The following ANAPC5 variants were observed in gnomAD, a reference collection of about 807,000 sequenced individuals.
The protein encoded by ANAPC5 is anaphase-promoting complex subunit 5.
ANAPC5 carries 60 observed loss-of-function variants against 91.3 expected under a neutral mutation model. That is an observed-to-expected ratio of 0.66 (90% CI 0.53 to 0.81). The LOEUF is 0.81. Ranked by LOEUF, ANAPC5 falls within the 40% of genes least tolerant of loss-of-function variation. ANAPC5 has a pLI of 0.00. For missense variants in ANAPC5, 690 were observed against 931.5 expected (o/e 0.74, Z 3.37); for synonymous variants, 340 against 364.1 (o/e 0.93, Z 0.75).
At chr12:121,351,624 A>AT (rs1555275374) in intron 1 of ANAPC5, among the ~76,000 whole-genome samples, 1 of 151,598 alleles carries the variant, frequency 6.6e-6, no homozygotes, top group African/African-American at 2.4e-5. Context: ...CGTCCAGCTA[A>AT]TTTTTTGTGT....
chr12:121,326,231 A>C (rs1371475709), intron 11 of ANAPC5: 1 of 152,216 alleles, frequency 6.6e-6, no homozygotes, highest in Non-Finnish European at 1.5e-5. Flanking sequence ...AGTGGAAACC[A>C]CCCAAAAATC....
intron 15 of ANAPC5, among the ~76,000 whole-genome samples, chr12:121,317,119 C>G (rs1161956657): frequency 6.6e-6 from 1 of 152,084 alleles, no homozygotes; most frequent in Non-Finnish European, 1.5e-5. Context: ...TTAATGGGTA[C>G]AGTTTCCTTT....
chr12:121,330,870 T>G (rs879961724), intron 8 of ANAPC5, 198 bp from the exon 9 acceptor site: 5 of 507,904 alleles, frequency 9.8e-6, no homozygotes, highest in Non-Finnish European at 1.7e-5. Context: ...AATAAATGAG[T>G]CATTGTTCTG....
intron 1 of ANAPC5, chr12:121,350,965 C>T: frequency 5.6e-6 from 2 of 356,160 alleles, no homozygotes; most frequent in Admixed American, 7.4e-5. Context: ...TGAGCATTTA[C>T]TACATGCTAG....
chr12:121,317,826 C>G (rs1487003656), intron 15 of ANAPC5: 1 of 152,820 alleles, frequency 6.5e-6, no homozygotes, highest in Non-Finnish European at 1.5e-5. Context: ...CTATAAGGTA[C>G]TAGGGAATAT....
intron 15 of ANAPC5, among the ~76,000 whole-genome samples, chr12:121,312,526 C>T (rs1317304729): frequency 6.6e-6 from 1 of 151,288 alleles, no homozygotes; most frequent in African/African-American, 2.4e-5. Context: ...CACGATGAAA[C>T]CCCAGCTCTA....
In ANAPC5 at chr12:121,352,354, TA is replaced by T; in HGVS notation, c.-15del. ...GACGCTGGCCATGGCGGCCCGAGAC[TA>T]AGTCTCGGGCCCGCGGCGCGCTGCC... On this transcript the variant is annotated 5_prime_UTR_variant, in exon 1 of 17. Coordinates refer to ENST00000261819, the MANE Select transcript of ANAPC5 (RefSeq NM_016237.5). 6.3e-7 allele frequency: 1 copy of T among 1,586,014 alleles called. No individual in the cohort carries two copies. The highest frequency in any genetic ancestry group is 8.6e-7 in the Non-Finnish European group (1 of 1,162,204).
At chr12:121,323,675 T>A (rs756405312) in intron 11 of ANAPC5, among the ~76,000 whole-genome samples, 5 of 152,184 alleles carry the variant, frequency 3.3e-5, no homozygotes, top group Non-Finnish European at 7.3e-5. Context: ...TTTCAATTTG[T>A]CTCAATCCTT....
intron 1 of ANAPC5, among the ~76,000 whole-genome samples, chr12:121,350,308 G>A (rs1555275153): frequency 6.6e-6 from 1 of 152,170 alleles, no homozygotes; most frequent in East Asian, 1.9e-4. Flanking sequence ...TAGAGGCCCA[G>A]GGACCCAGAT....
At chr12:121,313,999 T>C (rs990584688) in intron 15 of ANAPC5, among the ~76,000 whole-genome samples, 2 of 152,182 alleles carry the variant, frequency 1.3e-5, no homozygotes, top group Non-Finnish European at 1.5e-5. Context: ...AACAAAATAC[T>C]TGCAAACCAA....
chr12:121,334,727 C>T (rs11836127), intron 7 of ANAPC5: 7,457 of 152,296 alleles, frequency 0.049, 195 homozygotes, highest in South Asian at 0.082. Context: ...ACCTGACTTT[C>T]AGTAAGCCTA....
upstream of ANAPC5, among the ~76,000 whole-genome samples, chr12:121,353,949 G>A (rs1476479761): frequency 6.6e-6 from 1 of 150,382 alleles, no homozygotes; most frequent in East Asian, 2.0e-4. Context: ...CTCACGAGTA[G>A]TTGAGACTAC....
At chr12:121,341,932 C>A in intron 5 of ANAPC5, 71 bp downstream of exon 5, 1 of 1,242,808 alleles carries the variant, frequency 8.0e-7, no homozygotes, top group Middle Eastern at 1.9e-4. Flanking sequence ...TATGCCACAA[C>A]ACACATCACA....
In ANAPC5 at chr12:121,352,280, C is replaced by T. The variant is rs782171182; in HGVS notation, c.61G>A (p.Ala21Thr). ...NPMMTNGVVHANVFGIKDWVT... is the reference protein window; with the variant it reads ...NPMMTNGVVHTNVFGIKDWVT... The stretch of plus-strand genomic sequence containing the variant: ...CAGTCCTTGATGCCGAACACATTGG[C>T]GTGCACAACCCCATTGGTCATCATG... Residue 21 changes from alanine to threonine, a missense_variant, in exon 1 of 17, where the codon GCC becomes ACC. By Grantham distance (58) the Ala-to-Thr change is moderately conservative (BLOSUM62 0). Around this residue, in one of 5 missense-constraint regions of ANAPC5, gnomAD observed 238 missense variants for 264.9 expected, o/e 0.90. Transcript: ENST00000261819. 8 of 1,614,088 alleles carry T rather than the reference C, an allele frequency of 5.0e-6. No homozygotes were observed. The highest frequency in any genetic ancestry group is 1.7e-6 in the Non-Finnish European group (2 of 1,179,940).
At chr12:121,346,099 A>C in intron 3 of ANAPC5, 68 bp from the exon 4 acceptor site, 12 of 1,270,202 alleles carry the variant, frequency 9.4e-6, no homozygotes, top group Non-Finnish European at 1.1e-5. Context: ...TGGCAACTCC[A>C]CAATGGCAAT....
In ANAPC5 at chr12:121,342,000, T is replaced by C. The variant is rs373604461; in HGVS notation, c.657+3A>G. ...TTCATGATAAATTACAGAATTCACA[T>C]ACCTGTTGAGAAAGAAAAAATTCTG... On this transcript the variant is annotated splice_donor_region_variant and intron_variant, in intron 5 of 16. Transcript: ENST00000261819. 1 of 1,603,736 alleles carries C rather than the reference T, an allele frequency of 6.2e-7. No homozygotes were observed. Among genetic ancestry groups the C allele is most frequent in the Non-Finnish European group, 8.5e-7 (1 of 1,172,444 alleles).
chr12:121,352,225 AC>A lies in ANAPC5; in HGVS notation c.115del (p.Val39CysfsTer3). On this transcript the variant is annotated frameshift_variant, in exon 1 of 17. Transcript: ENST00000261819. LOFTEE classifies it high-confidence loss of function. Reference sequence around the variant, plus strand: ...TGTGCGGCTCATCTCGTTCAGCAGCACCAGCACCGCGATCTTGTACGGCGTC... The same window carrying A: ...TGTGCGGCTCATCTCGTTCAGCAGCACAGCACCGCGATCTTGTACGGCGTC... ...WVTPYKIAVL[V>X]LLNEMSRTGE... 6.2e-7 allele frequency: 1 copy of A among 1,614,130 alleles called. No individual in the cohort carries two copies. Among genetic ancestry groups the A allele is most frequent in the Non-Finnish European group, 8.5e-7 (1 of 1,180,012 alleles).
chr12:121,330,715 G>A, intron 8 of ANAPC5, 43 bp from the exon 9 acceptor site: 1 of 1,502,954 alleles, frequency 6.7e-7, no homozygotes, highest in Non-Finnish European at 9.3e-7. Flanking sequence ...CAGTGGCAAT[G>A]GCTGATGTTC....
intron 5 of ANAPC5, among the ~76,000 whole-genome samples, chr12:121,338,037 A>T (rs1253528453): frequency 2.0e-5 from 3 of 152,118 alleles, no homozygotes; most frequent in Non-Finnish European, 4.4e-5. Context: ...GGTTATAGAC[A>T]CTTAACTCCA....
Sources: allele counts gnomAD v4.1 joint callset (sites outside exome capture counted in the v4.1 genomes callset), GRCh38; gene constraint gnomAD v4.1.1; regional missense constraint gnomAD v4.1.1; transcripts MANE v1.5; gene names NCBI Gene and HGNC (gene_info 2026-07-23, HGNC 2026-07-21).